GRIK5: variants seen among roughly 807,000 people sequenced by gnomAD.
GRIK5 encodes the protein glutamate receptor ionotropic, kainate 5.
In GRIK5, 43 loss-of-function variants were observed where a neutral mutation model predicts 97.4. That is an observed-to-expected ratio of 0.44 (90% CI 0.35 to 0.57). The LOEUF is 0.57. Ranked by LOEUF, GRIK5 falls within the 20% of genes least tolerant of loss-of-function variation. The pLI is 0.01. For synonymous variants in GRIK5, 580 were observed against 583.5 expected (o/e 0.99, Z 0.09); for missense variants, 1,015 against 1,382.0 (o/e 0.73, Z 4.21).
At chr19:42,056,159 A>T (rs2146150967) in intron 8 of GRIK5, among the ~76,000 whole-genome samples, 1 of 149,154 alleles carries the variant, frequency 6.7e-6, no homozygotes, top group South Asian at 2.1e-4. Flanking sequence ...TAATTTTTGT[A>T]CTTTTGTAGA....
At position 42,052,107 on chromosome 19, in the gene GRIK5, T is replaced by C. The variant is rs188141542; in HGVS notation, c.1269+1495A>G. 2.0e-5 allele frequency among the ~76,000 whole-genome samples: 3 copies of C among 152,200 alleles called. No individual in the cohort carries two copies. In the East Asian group the frequency reaches 5.8e-4, roughly 29 times the overall value. On this transcript the variant is annotated intron_variant, in intron 11 of 19. Transcript: ENST00000593562. ...GCCAGCACCATACAGCTTTGGTAAA[T>C]ATTTATGGAATGAATAAGTGAATCA...
rs184216449 is a variant in GRIK5 at position 42,066,545 on chromosome 19, G to C, written c.-50-725C>G. On this transcript the variant is annotated intron_variant, in intron 1 of 19. Coordinates refer to ENST00000593562, the MANE Select transcript of GRIK5 (RefSeq NM_002088.5). ...GAAAGAGAGGCTTAGAGAAGGGAAAGACAGAGAGACTCAGAAAGAGAGAAA... is the reference window on the plus strand; with the variant it reads ...GAAAGAGAGGCTTAGAGAAGGGAAACACAGAGAGACTCAGAAAGAGAGAAA... Among the ~76,000 whole-genome samples, 9 of 151,560 alleles carry C rather than the reference G, an allele frequency of 5.9e-5. No individual in the cohort carries two copies. The East Asian group carries it at 1.7e-3, about 29-fold the overall frequency.
In GRIK5 at chr19:42,022,512, C is replaced by T. The variant is rs1419210580; in HGVS notation, c.1474-158G>A. 1 of 984,992 alleles carries T rather than the reference C, an allele frequency of 1.0e-6. No homozygotes were observed. Among genetic ancestry groups the T allele is most frequent in the Non-Finnish European group, 1.2e-6 (1 of 829,836 alleles). The allele number at this position is 984,992 out of a possible 1,614,324, so 61.0% of individuals were successfully genotyped here. ...CAGGAGCATGGACTGACTCCAGGAG[C>T]CCACCTTGGGCCTGAAATCGGACCC... On this transcript the variant is annotated intron_variant, in intron 12 of 19. Coordinates refer to ENST00000593562, the MANE Select transcript of GRIK5 (RefSeq NM_002088.5). This position sits in a 1 kb window ranked among gnomAD's most constrained non-coding sequence, Gnocchi z 4.2.
At chr19:42,016,344 C>A (rs963496999) in intron 15 of GRIK5, among the ~76,000 whole-genome samples, 2 of 152,196 alleles carry the variant, frequency 1.3e-5, no homozygotes, top group African/African-American at 4.8e-5. Context: ...TCGCTTGAAC[C>A]CGGAAGGTGG....
At position 42,042,538 on chromosome 19, in the gene GRIK5, C is replaced by T; in HGVS notation, c.1473+14G>A. 6.3e-7 allele frequency: 1 copy of T among 1,598,266 alleles called. No homozygotes were observed. ...CGGGTCCATGCATCTTTCCCGGCCC[C>T]AGTCCAGCCATACCCGGTTGATGAG... On this transcript the variant is annotated intron_variant, in intron 12 of 19. Transcript: ENST00000593562. The surrounding 1 kb of genome is among the most constrained non-coding windows in gnomAD (Gnocchi z 6.9).
At chr19:42,024,214 C>CTTT (rs1186656185) in intron 12 of GRIK5, among the ~76,000 whole-genome samples, 6 of 141,164 alleles carry the variant, frequency 4.3e-5, no homozygotes, top group African/African-American at 1.0e-4. Flanking sequence ...CCCATTGGCC[C>CTTT]TTTTTTTTTT....
intron 5 of GRIK5, among the ~76,000 whole-genome samples, chr19:42,061,037 C>T (rs560367797): frequency 2.0e-5 from 3 of 151,956 alleles, no homozygotes; most frequent in African/African-American, 7.2e-5. Flanking sequence ...TTAATAAATA[C>T]CTTTATTTAT....
At chr19:42,055,215 G>T (rs183320555) in intron 8 of GRIK5, among the ~76,000 whole-genome samples, 7 of 152,320 alleles carry the variant, frequency 4.6e-5, no homozygotes, top group Admixed American at 3.9e-4. Context: ...TTGTTAGGGT[G>T]TGCCCCAGCT....
At chr19:42,066,322 T>C (rs1479304036) in intron 1 of GRIK5, among the ~76,000 whole-genome samples, 1 of 151,460 alleles carries the variant, frequency 6.6e-6, no homozygotes, top group Non-Finnish European at 1.5e-5. Context: ...GTTCCCACAA[T>C]CCCATGGGGA....
chr19:42,034,057 A>G (rs1046935809), intron 12 of GRIK5, among the ~76,000 whole-genome samples: 4 of 152,040 alleles, frequency 2.6e-5, no homozygotes, highest in Non-Finnish European at 5.9e-5. Flanking sequence ...GTGGCTCTGC[A>G]GCACGATAAA....
intron 5 of GRIK5, among the ~76,000 whole-genome samples, chr19:42,060,541 G>C (rs1046431918): frequency 2.0e-5 from 3 of 151,440 alleles, no homozygotes; most frequent in Middle Eastern, 3.2e-3. Context: ...CTAATATCAA[G>C]AGCCAGGCCT....
intron 15 of GRIK5, among the ~76,000 whole-genome samples, chr19:42,012,016 G>A (rs990896753): frequency 6.6e-6 from 1 of 151,950 alleles, no homozygotes; most frequent in Non-Finnish European, 1.5e-5. Context: ...GAGGAAAAGG[G>A]GAACAAAGAA....
intron 12 of GRIK5, among the ~76,000 whole-genome samples, chr19:42,031,620 A>C (rs1233655355): frequency 6.6e-6 from 1 of 152,242 alleles, no homozygotes; most frequent in Non-Finnish European, 1.5e-5. Context: ...TATGCCATCC[A>C]TGAAAATGAC....
chr19:42,020,854 C>G (rs2075687243), intron 15 of GRIK5, among the ~76,000 whole-genome samples: 1 of 152,188 alleles, frequency 6.6e-6, no homozygotes, highest in African/African-American at 2.4e-5. Flanking sequence ...CAGCAGCCCT[C>G]AGGGCTGCTC....
rs782424418 is a variant in GRIK5 at position 41,999,108 on chromosome 19, C to A, written c.2706G>T (p.Ala902=). 2.2e-6 allele frequency: 3 copies of A among 1,370,160 alleles called. No individual in the cohort carries two copies. The highest frequency in any genetic ancestry group is 2.8e-6 in the Non-Finnish European group (3 of 1,067,162). 84.9% of individuals were successfully genotyped at this position (1,370,160 alleles called of 1,614,324 possible). The change falls in exon 20 of 20, where the codon GCG becomes GCT. Residue 902 remains alanine, a synonymous_variant. Transcript: ENST00000593562. The surrounding 1 kb of genome is among the most constrained non-coding windows in gnomAD (Gnocchi z 5.0). ...SAGAGGDAGS[A]HGGPQRLLDD... ...CCAGGAGGCGCTGCGGGCCCCCGTG[C>A]GCGCTGCCCGCATCCCCGCCCGCGC... is the stretch of plus-strand genomic sequence containing the variant.
At chr19:42,000,964 C>G (rs149361915) in intron 19 of GRIK5, among the ~76,000 whole-genome samples, 93 of 152,220 alleles carry the variant, frequency 6.1e-4, no homozygotes, top group Middle Eastern at 6.8e-3. Flanking sequence ...AGAGACTACC[C>G]CTCCCAGAAC....
At chr19:42,069,059 G>T in intron 1 of GRIK5, 182 bp downstream of exon 1, 1 of 466,390 alleles carries the variant, frequency 2.1e-6, no homozygotes, top group South Asian at 3.8e-5. Context: ...AAGAAGAGGT[G>T]AGAAGAGGTC....
intron 12 of GRIK5, among the ~76,000 whole-genome samples, chr19:42,041,785 C>T (rs781063087): frequency 2.0e-5 from 3 of 152,188 alleles, no homozygotes; most frequent in Admixed American, 6.5e-5. Context: ...CTCCCACACC[C>T]CCTTCACCTT....
intron 11 of GRIK5, among the ~76,000 whole-genome samples, chr19:42,044,881 T>C (rs181263576): frequency 2.0e-5 from 3 of 152,322 alleles, no homozygotes; most frequent in Non-Finnish European, 2.9e-5. Context: ...CAGGTTGCGG[T>C]GAGCCGAGAT....
Sources: allele counts gnomAD v4.1 joint callset (sites outside exome capture counted in the v4.1 genomes callset), GRCh38; gene constraint gnomAD v4.1.1; non-coding constraint Gnocchi (gnomAD v3.1); transcripts MANE v1.5; gene names NCBI Gene and HGNC (gene_info 2026-07-23, HGNC 2026-07-21).